The following PTPRE variants were observed in gnomAD, a reference collection of about 807,000 sequenced individuals.
The protein encoded by PTPRE is protein tyrosine phosphatase receptor type E.
In PTPRE, 51 loss-of-function variants were observed where a neutral mutation model predicts 102.0. The observed-to-expected ratio is 0.50, with a 90% confidence interval of 0.40 to 0.63. The LOEUF (loss-of-function observed/expected upper bound fraction) is 0.63. Ranked by LOEUF, PTPRE falls within the 30% of genes least tolerant of loss-of-function variation. The pLI is 0.00. For missense variants in PTPRE, 752 were observed against 915.1 expected (o/e 0.82, Z 2.30); for synonymous variants, 345 against 348.2 (o/e 0.99, Z 0.10).
At chr10:127,978,407 G>A (rs1466847346) in intron 1 of PTPRE, among the ~76,000 whole-genome samples, 5 of 151,928 alleles carry the variant, frequency 3.3e-5, no homozygotes, top group Admixed American at 2.0e-4. Flanking sequence ...ACATGGTGGC[G>A]CACACCTGTA....
intron 2 of PTPRE, among the ~76,000 whole-genome samples, chr10:128,021,397 C>G (rs889125429): frequency 5.9e-5 from 9 of 152,342 alleles, no homozygotes; most frequent in East Asian, 3.9e-4. Context: ...AAACCGCCCC[C>G]CTCCCCGTGT....
intron 3 of PTPRE, among the ~76,000 whole-genome samples, chr10:128,041,540 C>T (rs926408507): frequency 2.7e-5 from 4 of 149,430 alleles, no homozygotes; most frequent in African/African-American, 5.0e-5. Flanking sequence ...CCCAGCCACT[C>T]GGGAGGCTGA....
intron 2 of PTPRE, among the ~76,000 whole-genome samples, chr10:128,003,735 G>A (rs1413406114): frequency 6.6e-6 from 1 of 152,148 alleles, no homozygotes; most frequent in Non-Finnish European, 1.5e-5. Flanking sequence ...CTAATAATGA[G>A]TGTAATTTGC....
At chr10:128,053,747 T>C (rs1296169695) in intron 6 of PTPRE, among the ~76,000 whole-genome samples, 1 of 152,000 alleles carries the variant, frequency 6.6e-6, no homozygotes, top group East Asian at 1.9e-4. Flanking sequence ...TCTCAATTTC[T>C]TTTAATTTAT....
At chr10:128,072,255 T>C in intron 16 of PTPRE, 41 bp downstream of exon 16, 1 of 1,519,690 alleles carries the variant, frequency 6.6e-7, no homozygotes, top group Non-Finnish European at 9.1e-7. Flanking sequence ...CAGATGTGTT[T>C]CCTTCACATG....
chr10:128,011,340 C>A (rs1230461648), intron 2 of PTPRE, among the ~76,000 whole-genome samples: 1 of 152,216 alleles, frequency 6.6e-6, no homozygotes, highest in African/African-American at 2.4e-5. Context: ...TATTTAAGAA[C>A]AAATGTTTGG....
At chr10:128,020,780 G>A (rs941104672) in intron 2 of PTPRE, among the ~76,000 whole-genome samples, 5 of 152,206 alleles carry the variant, frequency 3.3e-5, no homozygotes, top group Admixed American at 1.3e-4. Context: ...CATCCTGAGC[G>A]GGCAGTGGGT....
At chr10:128,061,646 G>GA (rs1377808051) in intron 8 of PTPRE, 33 bp from the exon 9 acceptor site, 1 of 1,572,880 alleles carries the variant, frequency 6.4e-7, no homozygotes, top group Non-Finnish European at 8.6e-7. Flanking sequence ...AGATAATTCT[G>GA]AAAAAATATA....
At chr10:127,990,896 G>T (rs1852580532) in intron 2 of PTPRE, among the ~76,000 whole-genome samples, 1 of 152,178 alleles carries the variant, frequency 6.6e-6, no homozygotes, top group East Asian at 1.9e-4. Flanking sequence ...TTCTATTCAG[G>T]AAGGAAAAGC....
At chr10:128,001,772 G>A (rs911890854) in intron 2 of PTPRE, among the ~76,000 whole-genome samples, 2 of 152,256 alleles carry the variant, frequency 1.3e-5, no homozygotes, top group Non-Finnish European at 1.5e-5. Context: ...TAGGAGCTGC[G>A]GAAACCAGGA....
chr10:128,082,960 A>C lies in PTPRE; in HGVS notation c.*54A>C. 1 of 1,418,588 alleles carries C rather than the reference A, an allele frequency of 7.0e-7. No homozygotes were observed. The highest frequency in any genetic ancestry group is 9.4e-7 in the Non-Finnish European group (1 of 1,069,190). The allele number at this position is 1,418,588 out of a possible 1,614,324, so 87.9% of individuals were successfully genotyped here. On this transcript the variant is annotated 3_prime_UTR_variant, in exon 21 of 21. Coordinates refer to ENST00000254667, the MANE Select transcript of PTPRE (RefSeq NM_006504.6). ...TTAATGGTCAGTATATTTTGTAAAA[A>C]TCATGTTAATTTATTTCATAGTTGA...
At chr10:127,915,206 C>G (rs1236759509) in intron 1 of PTPRE, among the ~76,000 whole-genome samples, 2 of 152,192 alleles carry the variant, frequency 1.3e-5, no homozygotes, top group Non-Finnish European at 2.9e-5. Context: ...AGGAAGTCTA[C>G]TTATCAAAAA....
chr10:127,923,398 A>AT (rs35994733), intron 1 of PTPRE, among the ~76,000 whole-genome samples: 33,348 of 106,918 alleles, frequency 0.31, 5,608 homozygotes, highest in African/African-American at 0.47. Context: ...ACCAGTTTGA[A>AT]TTTTTTTTTT....
chr10:127,972,042 T>C (rs1270722287), intron 1 of PTPRE, among the ~76,000 whole-genome samples: 2 of 152,216 alleles, frequency 1.3e-5, no homozygotes, highest in South Asian at 2.1e-4. Flanking sequence ...GGTGGGAAGA[T>C]GGTATTTCAG....
At position 128,026,190 on chromosome 10, in the gene PTPRE, G is replaced by A. The variant is rs183202494; in HGVS notation, c.-7-14685G>A. On this transcript the variant is annotated intron_variant, in intron 2 of 20. Coordinates refer to ENST00000254667, the MANE Select transcript of PTPRE (RefSeq NM_006504.6). ...GCACTTCCTCCCTCAAACCCCCAGCGCCTCTCTGGTTGGCCAGCCAGGTGC... is the reference window on the plus strand; with the variant it reads ...GCACTTCCTCCCTCAAACCCCCAGCACCTCTCTGGTTGGCCAGCCAGGTGC... Among the ~76,000 whole-genome samples, 152 of 152,298 alleles carry A rather than the reference G, an allele frequency of 1.0e-3. 1 individual carries two copies. Among genetic ancestry groups the A allele is most frequent in the African/African-American group, 3.3e-3 (137 of 41,578 alleles).
At chr10:127,947,935 C>A (rs1051545976) in intron 1 of PTPRE, among the ~76,000 whole-genome samples, 1 of 152,168 alleles carries the variant, frequency 6.6e-6, no homozygotes, top group Non-Finnish European at 1.5e-5. Context: ...TGAGCCAACC[C>A]CCCAATAAAT....
At chr10:128,032,156 C>T (rs1162802673) in intron 2 of PTPRE, among the ~76,000 whole-genome samples, 7 of 152,110 alleles carry the variant, frequency 4.6e-5, no homozygotes, top group African/African-American at 1.4e-4. Flanking sequence ...GCTGGGATTA[C>T]AGGCGCCTGC....
chr10:128,000,488 A>G (rs1046913511), intron 2 of PTPRE, among the ~76,000 whole-genome samples: 8 of 152,176 alleles, frequency 5.3e-5, no homozygotes, highest in Non-Finnish European at 1.0e-4. Context: ...TTTTTTTAGA[A>G]GCATACTGCT....
At chr10:128,082,021 A>C (rs1005246194) in intron 20 of PTPRE, among the ~76,000 whole-genome samples, 2 of 152,162 alleles carry the variant, frequency 1.3e-5, no homozygotes, top group African/African-American at 4.8e-5. Context: ...CCCGGCCCCA[A>C]ACTCACATAT....
Sources: gnomAD v4.1 joint callset for allele counts (sites outside exome capture counted in the v4.1 genomes callset) on GRCh38, gnomAD v4.1.1 for gene constraint, MANE v1.5 for transcripts, NCBI Gene and HGNC (gene_info 2026-07-23, HGNC 2026-07-21) for gene names.